SEMA3C: variants seen among roughly 807,000 people sequenced by gnomAD.
The protein encoded by SEMA3C is semaphorin-3C.
In SEMA3C, 47 loss-of-function variants were observed where a neutral mutation model predicts 89.4. The observed-to-expected ratio is 0.53, with a 90% CI of 0.42 to 0.67. The LOEUF is 0.67. Ranked by LOEUF, SEMA3C falls within the 30% of genes least tolerant of loss-of-function variation. The probability of loss-of-function intolerance (pLI) is 0.00; values close to 1 mark genes in which losing one functional copy is unlikely to be tolerated. For missense variants in SEMA3C, 839 were observed against 929.1 expected (o/e 0.90, Z 1.26); for synonymous variants, 310 against 320.2 (o/e 0.97, Z 0.34).
chr7:80,877,203 T>C (rs76997857), intron 2 of SEMA3C, among the ~76,000 whole-genome samples: 5,062 of 152,300 alleles, frequency 0.033, 111 homozygotes, highest in South Asian at 0.056. Context: ...ATTGATAATA[T>C]AGAATTACAA....
At chr7:80,913,415 G>GA (rs981657373) in intron 2 of SEMA3C, among the ~76,000 whole-genome samples, 11 of 151,988 alleles carry the variant, frequency 7.2e-5, no homozygotes, top group Non-Finnish European at 1.3e-4. Context: ...AAAAGGAAAA[G>GA]AAAAAACAGG....
Position 80,745,170 on chromosome 7 carries a change from T to A in SEMA3C, c.1980A>T (p.Lys660Asn). 6.2e-7 allele frequency: 1 copy of A among 1,614,034 alleles called. No homozygotes were observed. Among genetic ancestry groups the A allele is most frequent in the South Asian group, 1.1e-5 (1 of 91,090 alleles). ...CAGCCACCATTTCTGAATCTAAAAC[T>A]TTGAAGTTGATCTTGGCTATGGTCT... Reference protein sequence around the residue: ...FKQTIAKINFKVLDSEMVAVV... With the variant: ...FKQTIAKINFNVLDSEMVAVV... The change falls in exon 18 of 18, where the codon AAA (lysine) becomes AAT (asparagine). Residue 660 changes from lysine (K) to asparagine (N), a missense_variant. Physicochemically the swap from Lys to Asn is moderately conservative, Grantham distance 94. Transcript: ENST00000265361.
intron 4 of SEMA3C, among the ~76,000 whole-genome samples, chr7:80,818,867 C>T (rs1461075965): frequency 6.6e-6 from 1 of 151,984 alleles, no homozygotes; most frequent in African/African-American, 2.4e-5. Context: ...GTAGAAGTAA[C>T]AAATCAAATA....
At chr7:80,844,463 C>T (rs1261629676) in intron 2 of SEMA3C, among the ~76,000 whole-genome samples, 1 of 152,082 alleles carries the variant, frequency 6.6e-6, no homozygotes, top group African/African-American at 2.4e-5. Context: ...CTTGTTTTAT[C>T]ATCTAGCAAA....
intron 2 of SEMA3C, among the ~76,000 whole-genome samples, chr7:80,910,747 TA>T (rs1400629334): frequency 7.2e-5 from 11 of 152,024 alleles, no homozygotes; most frequent in African/African-American, 2.4e-4. Flanking sequence ...TAAAATAAGT[TA>T]TTTTTTACAA....
intron 12 of SEMA3C, among the ~76,000 whole-genome samples, chr7:80,773,216 C>T: frequency 6.6e-6 from 1 of 151,734 alleles, no homozygotes; most frequent in South Asian, 2.1e-4. Flanking sequence ...GACTTACTTG[C>T]AATATATTAA....
chr7:80,828,130 AT>A (rs1249121802), intron 3 of SEMA3C, among the ~76,000 whole-genome samples: 1 of 152,034 alleles, frequency 6.6e-6, no homozygotes, highest in African/African-American at 2.4e-5. Flanking sequence ...ATCTACATGT[AT>A]TTTTTTCACT....
chr7:80,823,924 G>T (rs903315988), intron 4 of SEMA3C, among the ~76,000 whole-genome samples: 3 of 152,126 alleles, frequency 2.0e-5, no homozygotes, highest in Admixed American at 2.0e-4. Context: ...TAGGGGCAGA[G>T]AGAGAAATGG....
chr7:80,745,326 A>G lies in SEMA3C; in HGVS notation c.1843-19T>C. 1 of 1,601,050 alleles carries G rather than the reference A, an allele frequency of 6.2e-7. No individual in the cohort carries two copies. The highest frequency in any genetic ancestry group is 8.5e-7 in the Non-Finnish European group (1 of 1,172,920). ...GCTTAACCTAAAAGAGAGACAAATT[A>G]AAGTTACTGAAACTGAACATTATAT... On this transcript the variant is annotated intron_variant, in intron 17 of 17. Coordinates refer to ENST00000265361, the MANE Select transcript of SEMA3C (RefSeq NM_006379.5).
intron 2 of SEMA3C, among the ~76,000 whole-genome samples, chr7:80,891,806 A>G (rs549181082): frequency 1.2e-4 from 18 of 152,246 alleles, no homozygotes; most frequent in African/African-American, 3.8e-4. Context: ...GATTATATAA[A>G]GTATCTTAAT....
chr7:80,810,464 ACT>A (rs1320933254), intron 6 of SEMA3C, 145 bp downstream of exon 6: 10 of 543,342 alleles, frequency 1.8e-5, no homozygotes, highest in East Asian at 6.0e-5. Flanking sequence ...GAGAAACTGA[ACT>A]CTCTATTTCT....
chr7:80,804,127 G>A lies in SEMA3C; in HGVS notation c.780C>T (p.Ser260=). ...TTACAGGACATATTCGAGCAATCATGGAATGAATCTGTTTCGTGCTCCTGT... is the reference window on the plus strand; with the variant it reads ...TTACAGGACATATTCGAGCAATCATAGAATGAATCTGTTTCGTGCTCCTGT... ...DNNRSTKQIH[S]MIARICPNDT... is the part of the protein sequence containing the mutation. The change falls in exon 8 of 18, where the codon TCC becomes TCT. Residue 260 remains serine (S), a synonymous_variant. Coordinates refer to ENST00000265361, the MANE Select transcript of SEMA3C (RefSeq NM_006379.5). 1 of 1,611,110 alleles carries A rather than the reference G, an allele frequency of 6.2e-7. No individual in the cohort carries two copies. Among genetic ancestry groups the A allele is most frequent in the Non-Finnish European group, 8.5e-7 (1 of 1,178,368 alleles).
chr7:80,861,236 A>G (rs1435511009), intron 2 of SEMA3C, among the ~76,000 whole-genome samples: 2 of 152,188 alleles, frequency 1.3e-5, no homozygotes, highest in Admixed American at 1.3e-4. Flanking sequence ...AAAGAAATAC[A>G]TATTTTTTAT....
intron 2 of SEMA3C, among the ~76,000 whole-genome samples, chr7:80,833,780 T>G (rs1457496240): frequency 6.6e-6 from 1 of 152,136 alleles, no homozygotes; most frequent in African/African-American, 2.4e-5. Context: ...CATTTTTTTT[T>G]TTTAGAACAT....
At chr7:80,804,475 T>G (rs147519258) in intron 7 of SEMA3C, among the ~76,000 whole-genome samples, 32 of 152,262 alleles carry the variant, frequency 2.1e-4, no homozygotes, top group Non-Finnish European at 3.1e-4. Context: ...TGTGCACCAA[T>G]GAGTTTCAAA....
chr7:80,842,500 A>T (rs1003112748), intron 2 of SEMA3C, among the ~76,000 whole-genome samples: 1 of 152,164 alleles, frequency 6.6e-6, no homozygotes, highest in African/African-American at 2.4e-5. Flanking sequence ...ATTAGCCATG[A>T]CTTTCTTTTT....
intron 2 of SEMA3C, among the ~76,000 whole-genome samples, chr7:80,912,993 T>C (rs1304765710): frequency 6.6e-6 from 1 of 152,180 alleles, no homozygotes; most frequent in Non-Finnish European, 1.5e-5. Flanking sequence ...TTAAAAGATG[T>C]TTTATAAAAT....
intron 1 of SEMA3C, among the ~76,000 whole-genome samples, chr7:80,917,342 C>T (rs1032501931): frequency 6.6e-6 from 1 of 152,126 alleles, no homozygotes; most frequent in Non-Finnish European, 1.5e-5. Flanking sequence ...TATGTGTGCT[C>T]AATCCTGGAT....
intron 2 of SEMA3C, among the ~76,000 whole-genome samples, chr7:80,876,846 T>C (rs1307524935): frequency 6.6e-6 from 1 of 152,206 alleles, no homozygotes; most frequent in Non-Finnish European, 1.5e-5. Flanking sequence ...AAAACACTTG[T>C]CAGTAAATTG....
Sources: allele counts gnomAD v4.1 joint callset (sites outside exome capture counted in the v4.1 genomes callset), GRCh38; gene constraint gnomAD v4.1.1; transcripts MANE v1.5; gene names NCBI Gene and HGNC (gene_info 2026-07-23, HGNC 2026-07-21).